The following KCNQ5 variants were observed in gnomAD, a reference collection of about 807,000 sequenced individuals.
KCNQ5 encodes potassium voltage-gated channel subfamily KQT member 5.
Under a neutral mutation model 98.2 loss-of-function variants are expected in KCNQ5, and 30 were observed. The ratio of observed to expected loss-of-function variants is 0.31; its 90% CI spans 0.23 to 0.41. KCNQ5 has a LOEUF of 0.41. KCNQ5 is among the 10% of genes least tolerant of loss of function. The pLI is 1.00. For synonymous variants in KCNQ5, 458 were observed against 449.4 expected, an observed-to-expected ratio of 1.02 and a Z score of -0.24; for missense variants, 835 against 1,182.5, an observed-to-expected ratio of 0.71 and a Z score of 4.31.
chr6:72,888,905 TC>T (rs967701794), intron 1 of KCNQ5, among the ~76,000 whole-genome samples: 3 of 152,264 alleles, frequency 2.0e-5, no homozygotes, highest in Non-Finnish European at 4.4e-5. Context: ...AAGAAAAAAT[TC>T]CCTATCTTCA....
chr6:72,889,345 G>T (rs1306396861), intron 1 of KCNQ5, among the ~76,000 whole-genome samples: 2 of 152,164 alleles, frequency 1.3e-5, no homozygotes, highest in African/African-American at 4.8e-5. Flanking sequence ...AGCCTCGGAA[G>T]CCACTGGGAA....
At chr6:72,988,789 A>G (rs1435304457) in intron 1 of KCNQ5, among the ~76,000 whole-genome samples, 4 of 100,452 alleles carry the variant, frequency 4.0e-5, no homozygotes, top group African/African-American at 7.7e-5. Context: ...ATATCTCCCA[A>G]TGCTATCCCT....
intron 1 of KCNQ5, among the ~76,000 whole-genome samples, chr6:72,998,673 C>A (rs1206901797): frequency 6.6e-6 from 1 of 151,616 alleles, no homozygotes; most frequent in Non-Finnish European, 1.5e-5. Context: ...GGAGAAGGAG[C>A]TTGCAGTAGG....
chr6:72,784,941 A>C (rs1234363919), intron 1 of KCNQ5, among the ~76,000 whole-genome samples: 1 of 152,188 alleles, frequency 6.6e-6, no homozygotes, highest in African/African-American at 2.4e-5. Flanking sequence ...ATTATCACAT[A>C]ATCAAAGGAA....
chr6:72,660,852 G>C (rs1339627592), intron 1 of KCNQ5, among the ~76,000 whole-genome samples: 1 of 152,136 alleles, frequency 6.6e-6, no homozygotes, highest in Admixed American at 6.5e-5. Flanking sequence ...AGAAGAATTT[G>C]TTCAGTTGTG....
chr6:72,810,601 ATGCT>A, intron 1 of KCNQ5, among the ~76,000 whole-genome samples: 1 of 152,304 alleles, frequency 6.6e-6, no homozygotes, highest in East Asian at 1.9e-4. Flanking sequence ...GAAAAAGGAA[ATGCT>A]TGCTTTTGAA....
intron 1 of KCNQ5, among the ~76,000 whole-genome samples, chr6:72,872,180 C>G (rs1466584511): frequency 6.6e-6 from 1 of 152,150 alleles, no homozygotes; most frequent in African/African-American, 2.4e-5. Flanking sequence ...CCTTTACTTC[C>G]TAAAGAAGTG....
intron 1 of KCNQ5, among the ~76,000 whole-genome samples, chr6:72,996,492 T>TAAAA (rs1769304284): frequency 6.6e-6 from 1 of 152,232 alleles, no homozygotes; most frequent in Non-Finnish European, 1.5e-5. Context: ...TTTTTACTCC[T>TAAAA]AGTTAAAGTA....
chr6:72,722,649 G>C (rs1004341704), intron 1 of KCNQ5, among the ~76,000 whole-genome samples: 1 of 152,054 alleles, frequency 6.6e-6, no homozygotes, highest in Admixed American at 6.6e-5. Flanking sequence ...GGCAATCATG[G>C]GAGGCATTGT....
At chr6:73,112,347 T>C (rs1444230673) in intron 7 of KCNQ5, among the ~76,000 whole-genome samples, 1 of 151,514 alleles carries the variant, frequency 6.6e-6, no homozygotes, top group Non-Finnish European at 1.5e-5. Context: ...TTTTGTTTGT[T>C]TTGTTTTTTT....
At chr6:72,667,983 T>A (rs958124976) in intron 1 of KCNQ5, among the ~76,000 whole-genome samples, 2 of 152,184 alleles carry the variant, frequency 1.3e-5, no homozygotes, top group African/African-American at 4.8e-5. Context: ...TGTGGGATCT[T>A]GGTTTGGATC....
intron 1 of KCNQ5, among the ~76,000 whole-genome samples, chr6:72,796,985 A>G (rs574645785): frequency 1.3e-5 from 2 of 152,314 alleles, no homozygotes; most frequent in South Asian, 2.1e-4. Context: ...GAGATATAAT[A>G]TTGCAACTTC....
intron 1 of KCNQ5, among the ~76,000 whole-genome samples, chr6:72,809,184 T>C (rs1582332320): frequency 7.3e-6 from 1 of 137,314 alleles, no homozygotes; most frequent in African/African-American, 2.8e-5. Context: ...TAGGTGGGAA[T>C]TGAACAATGA....
At chr6:72,839,783 G>T (rs9446765) in intron 1 of KCNQ5, among the ~76,000 whole-genome samples, 1 of 152,050 alleles carries the variant, frequency 6.6e-6, no homozygotes, top group Non-Finnish European at 1.5e-5. Context: ...ATTACCTCAC[G>T]TAATTTTTTA....
chr6:72,651,920 G>GA (rs1180432951), intron 1 of KCNQ5, among the ~76,000 whole-genome samples: 1 of 151,902 alleles, frequency 6.6e-6, no homozygotes, highest in Non-Finnish European at 1.5e-5. Context: ...TACTCAAAAA[G>GA]AATCTTTATA....
intron 1 of KCNQ5, among the ~76,000 whole-genome samples, chr6:72,822,939 T>C (rs918948764): frequency 6.6e-6 from 1 of 152,134 alleles, no homozygotes; most frequent in Non-Finnish European, 1.5e-5. Context: ...GATCCCTGCT[T>C]CCATTGTCTC....
intron 1 of KCNQ5, among the ~76,000 whole-genome samples, chr6:72,790,107 A>C (rs577088303): frequency 1.3e-5 from 2 of 152,358 alleles, no homozygotes; most frequent in Non-Finnish European, 2.9e-5. Context: ...TGTTGTTTTA[A>C]ATATTAACAA....
intron 13 of KCNQ5, 45 bp from the exon 14 acceptor site, chr6:73,194,407 T>A: frequency 1.3e-6 from 2 of 1,533,846 alleles, no homozygotes; most frequent in Non-Finnish European, 1.8e-6. Context: ...AGTCCATTCT[T>A]AATAACAGAT....
At chr6:72,785,185 G>A (rs1262702724) in intron 1 of KCNQ5, among the ~76,000 whole-genome samples, 1 of 152,118 alleles carries the variant, frequency 6.6e-6, no homozygotes, top group Non-Finnish European at 1.5e-5. Flanking sequence ...AATTAACACA[G>A]AGTATTTTTT....
Sources: allele counts gnomAD v4.1 joint callset (sites outside exome capture counted in the v4.1 genomes callset), GRCh38; gene constraint gnomAD v4.1.1; transcripts MANE v1.5; gene names NCBI Gene and HGNC (gene_info 2026-07-23, HGNC 2026-07-21).